AIG1: variants seen among roughly 807,000 people sequenced by gnomAD.
AIG1 encodes androgen-induced gene 1 protein.
AIG1 carries 23 observed loss-of-function variants against 31.4 expected under a neutral mutation model. The observed-to-expected ratio is 0.73, with a 90% CI of 0.53 to 1.04. The LOEUF (loss-of-function observed/expected upper bound fraction) is 1.04, where lower values mean the gene tolerates loss of function less well. AIG1 is among the 50% of genes least tolerant of loss of function. AIG1 has a pLI of 0.00. For missense variants in AIG1, 274 were observed against 295.0 expected (o/e 0.93, Z 0.52); for synonymous variants, 100 against 110.5 (o/e 0.90, Z 0.60).
At chr6:143,206,512 G>C (rs1231787176) in intron 3 of AIG1, among the ~76,000 whole-genome samples, 1 of 152,130 alleles carries the variant, frequency 6.6e-6, no homozygotes, top group Non-Finnish European at 1.5e-5. Flanking sequence ...TTCAGAGGTT[G>C]GTGGTAGTAT....
At chr6:143,083,991 G>A (rs761536905) in intron 1 of AIG1, among the ~76,000 whole-genome samples, 2 of 152,170 alleles carry the variant, frequency 1.3e-5, no homozygotes, top group Non-Finnish European at 2.9e-5. Context: ...AAGTTCCCCA[G>A]TTACAACTTA....
rs564082712 is a variant in AIG1 at position 143,136,428 on chromosome 6, T to C, written c.142-407T>C. On this transcript the variant is annotated intron_variant, in intron 1 of 5. Transcript: ENST00000357847. ...CCCTTTTGTTTTCACTTCTTAGATATTTGTTAAAACTCACTAGTTATATTG... is the reference window on the plus strand; with the variant it reads ...CCCTTTTGTTTTCACTTCTTAGATACTTGTTAAAACTCACTAGTTATATTG... 1.1e-4 allele frequency among the ~76,000 whole-genome samples: 16 copies of C among 152,336 alleles called. No homozygotes were observed. The South Asian group carries it at 2.5e-3, about 24-fold the overall frequency.
chr6:143,092,117 T>C (rs1349735889), intron 1 of AIG1, among the ~76,000 whole-genome samples: 1 of 152,108 alleles, frequency 6.6e-6, no homozygotes, highest in African/African-American at 2.4e-5. Context: ...TATTTATTTA[T>C]TTTTTGAGAT....
In AIG1 at chr6:143,192,368, G is replaced by A. The variant is rs560633372; in HGVS notation, c.399+27185G>A. Among the ~76,000 whole-genome samples the A allele has an allele frequency of 5.3e-5, 8 of 152,294 alleles. No individual in the cohort carries two copies. The East Asian group carries it at 1.5e-3, about 29-fold the overall frequency. On this transcript the variant is annotated intron_variant, in intron 3 of 5. Transcript: ENST00000357847. ...GCCTGCAATCCCAGCACTTTGGGAGGCCAAGACAGGTGCATCACTTAAGGT... is the reference window on the plus strand; with the variant it reads ...GCCTGCAATCCCAGCACTTTGGGAGACCAAGACAGGTGCATCACTTAAGGT...
At chr6:143,264,574 C>T (rs1467423781) in intron 3 of AIG1, among the ~76,000 whole-genome samples, 2 of 152,064 alleles carry the variant, frequency 1.3e-5, no homozygotes, top group African/African-American at 2.4e-5. Context: ...AGATGTCGCC[C>T]GATTATGTTC....
At chr6:143,068,426 T>G (rs1198385991) in intron 1 of AIG1, among the ~76,000 whole-genome samples, 1 of 152,236 alleles carries the variant, frequency 6.6e-6, no homozygotes, top group Non-Finnish European at 1.5e-5. Context: ...GTAGCCCTTC[T>G]GAGTGCGGTG....
intron 3 of AIG1, among the ~76,000 whole-genome samples, chr6:143,218,696 G>A (rs9386028): frequency 0.011 from 1,710 of 152,204 alleles, 43 homozygotes; most frequent in East Asian, 0.071. Context: ...AAAAATGGGC[G>A]TCACAGCACA....
chr6:143,083,326 T>C (rs1190451006), intron 1 of AIG1, among the ~76,000 whole-genome samples: 1 of 152,208 alleles, frequency 6.6e-6, no homozygotes, highest in African/African-American at 2.4e-5. Context: ...CTTGGGCTAA[T>C]GCCTGGCCAA....
At chr6:143,251,954 C>T (rs1795038983) in intron 3 of AIG1, among the ~76,000 whole-genome samples, 1 of 152,238 alleles carries the variant, frequency 6.6e-6, no homozygotes, top group Admixed American at 6.5e-5. Flanking sequence ...CTCCATCCCC[C>T]AGATAGTAAG....
intron 1 of AIG1, among the ~76,000 whole-genome samples, chr6:143,084,285 C>T (rs1778560840): frequency 6.6e-6 from 1 of 152,170 alleles, no homozygotes; most frequent in Non-Finnish European, 1.5e-5. Flanking sequence ...AGTGGGCCTT[C>T]CAGTGACTCC....
intron 3 of AIG1, among the ~76,000 whole-genome samples, chr6:143,172,951 T>C (rs1787778593): frequency 6.6e-6 from 1 of 152,202 alleles, no homozygotes; most frequent in Non-Finnish European, 1.5e-5. Flanking sequence ...TTGGATCTTC[T>C]CTCTTCTTTC....
At chr6:143,320,795 T>C (rs893266822) in intron 4 of AIG1, among the ~76,000 whole-genome samples, 5 of 151,462 alleles carry the variant, frequency 3.3e-5, no homozygotes, top group African/African-American at 9.7e-5. Flanking sequence ...TTCTACTGTG[T>C]ACTTAAAACT....
At chr6:143,087,826 C>T (rs1034290903) in intron 1 of AIG1, among the ~76,000 whole-genome samples, 6 of 152,150 alleles carry the variant, frequency 3.9e-5, no homozygotes, top group African/African-American at 9.7e-5. Context: ...TCTATATTCT[C>T]GCTATAGAAT....
chr6:143,063,159 T>C (rs1309744210), intron 1 of AIG1, among the ~76,000 whole-genome samples: 4 of 152,222 alleles, frequency 2.6e-5, no homozygotes, highest in Non-Finnish European at 2.9e-5. Context: ...CATGAAACCA[T>C]AGTAGAGTCA....
chr6:143,188,071 C>T, intron 3 of AIG1: 3 of 1,069,004 alleles, frequency 2.8e-6, no homozygotes, highest in Non-Finnish European at 3.4e-6. Flanking sequence ...GAGGTTGATG[C>T]TCAAAGGGTA....
intron 4 of AIG1, among the ~76,000 whole-genome samples, chr6:143,289,361 A>G (rs1358503436): frequency 6.6e-6 from 1 of 152,024 alleles, no homozygotes; most frequent in African/African-American, 2.4e-5. Flanking sequence ...CAGTCTTATG[A>G]TCTCTATTTT....
chr6:143,075,663 GTTC>G (rs1777670617), intron 1 of AIG1, among the ~76,000 whole-genome samples: 1 of 151,974 alleles, frequency 6.6e-6, no homozygotes, highest in African/African-American at 2.4e-5. Context: ...GGTTTGTTTT[GTTC>G]TTCTTTAACT....
intron 1 of AIG1, among the ~76,000 whole-genome samples, chr6:143,117,034 T>C (rs1211096048): frequency 1.3e-5 from 2 of 152,092 alleles, no homozygotes; most frequent in African/African-American, 4.8e-5. Context: ...ACATTCAGTG[T>C]GTCTGCCGTA....
intron 1 of AIG1, among the ~76,000 whole-genome samples, chr6:143,100,604 A>G (rs1024623745): frequency 1.3e-5 from 2 of 152,334 alleles, no homozygotes; most frequent in South Asian, 2.1e-4. Flanking sequence ...AAAGCAAGCA[A>G]TATATACATT....
Sources: allele counts gnomAD v4.1 joint callset (sites outside exome capture counted in the v4.1 genomes callset), GRCh38; gene constraint gnomAD v4.1.1; transcripts MANE v1.5; gene names NCBI Gene and HGNC (gene_info 2026-07-23, HGNC 2026-07-21).